ELAPOR2: variants seen among roughly 807,000 people sequenced by gnomAD.
ELAPOR2 encodes endosome-lysosome associated apoptosis and autophagy regulator family member 2.
ELAPOR2 carries 89 observed loss-of-function variants against 120.7 expected under a neutral mutation model. The observed-to-expected ratio is 0.74, with a 90% CI of 0.62 to 0.88. The LOEUF is 0.88. ELAPOR2 is among the 40% of genes least tolerant of loss of function. ELAPOR2 has a pLI of 0.00. For synonymous variants in ELAPOR2, 444 were observed against 444.9 expected (o/e 1.00, Z 0.03); for missense variants, 1,134 against 1,251.6 (o/e 0.91, Z 1.42).
chr7:87,030,927 G>T (rs558943334), intron 1 of ELAPOR2, among the ~76,000 whole-genome samples: 1 of 152,290 alleles, frequency 6.6e-6, no homozygotes, highest in South Asian at 2.1e-4. Flanking sequence ...CACAATCATG[G>T]TGGAAGATGA....
intron 2 of ELAPOR2, among the ~76,000 whole-genome samples, chr7:86,956,468 G>A (rs1361814568): frequency 1.3e-5 from 2 of 152,066 alleles, no homozygotes; most frequent in Non-Finnish European, 2.9e-5. Context: ...TCTTCACATA[G>A]CCCTATCAAG....
intron 4 of ELAPOR2, 108 bp from the exon 5 acceptor site, chr7:86,942,212 A>C: frequency 1.7e-6 from 1 of 587,474 alleles, no homozygotes; most frequent in East Asian, 3.0e-5. Context: ...CTTCTAAACA[A>C]TGGCCATGAG....
At position 86,916,955 on chromosome 7, in the gene ELAPOR2, ATT is replaced by A. The variant is rs58682563; in HGVS notation, c.1593+1485_1593+1486del. On this transcript the variant is annotated intron_variant, in intron 12 of 21. Coordinates refer to ENST00000450689, the MANE Select transcript of ELAPOR2 (RefSeq NM_001142749.3). ...AGGCATGCGCCATTGTGGCCAGCTA[ATT>A]TTTTTTTTTTTTTTTTTTTTTTTTT... 8.3e-3 allele frequency among the ~76,000 whole-genome samples: 722 copies of A among 86,572 alleles called. 1 individual carries two copies. Among genetic ancestry groups the A allele is most frequent in the African/African-American group, 0.031 (536 of 17,560 alleles). 56.8% of individuals were successfully genotyped at this position (86,572 alleles called of 152,430 possible).
chr7:86,944,802 A>T, intron 4 of ELAPOR2, 97 bp downstream of exon 4: 1 of 1,015,524 alleles, frequency 9.8e-7, no homozygotes, highest in East Asian at 2.8e-5. Context: ...ACAAAAAAAA[A>T]ACTGAGGAGG....
At chr7:86,995,687 G>C (rs1210699788) in intron 1 of ELAPOR2, among the ~76,000 whole-genome samples, 2 of 152,180 alleles carry the variant, frequency 1.3e-5, no homozygotes, top group Non-Finnish European at 2.9e-5. Flanking sequence ...GACAAGAAGA[G>C]TGGAAGGTAA....
chr7:86,921,500 G>GGGAT, intron 10 of ELAPOR2, among the ~76,000 whole-genome samples: 1 of 152,030 alleles, frequency 6.6e-6, no homozygotes, highest in African/African-American at 2.4e-5. Flanking sequence ...AAGGCAAGAA[G>GGGAT]GGATATTCCC....
At chr7:86,983,089 G>A (rs1227461465) in intron 1 of ELAPOR2, among the ~76,000 whole-genome samples, 2 of 152,206 alleles carry the variant, frequency 1.3e-5, no homozygotes, top group African/African-American at 2.4e-5. Context: ...GGGTATCAGT[G>A]ATTGCAGATT....
At chr7:87,006,497 C>A (rs1281011918) in intron 1 of ELAPOR2, among the ~76,000 whole-genome samples, 2 of 152,008 alleles carry the variant, frequency 1.3e-5, no homozygotes, top group African/African-American at 4.8e-5. Flanking sequence ...ACATTCTGCA[C>A]ATGGACCCCA....
chr7:87,042,879 CA>C (rs1794829565), intron 1 of ELAPOR2, among the ~76,000 whole-genome samples: 1 of 151,632 alleles, frequency 6.6e-6, no homozygotes, highest in African/African-American at 2.4e-5. Flanking sequence ...CTAATAAAGA[CA>C]AAAAGAGAGA....
intron 1 of ELAPOR2, among the ~76,000 whole-genome samples, chr7:87,058,121 A>T (rs1390497840): frequency 6.6e-6 from 1 of 152,206 alleles, no homozygotes; most frequent in Non-Finnish European, 1.5e-5. Context: ...CAAGCCTTTG[A>T]TCCGATTCTC....
intron 1 of ELAPOR2, among the ~76,000 whole-genome samples, chr7:86,972,603 GTT>G (rs1057156852): frequency 1.4e-5 from 2 of 140,052 alleles, no homozygotes; most frequent in South Asian, 2.3e-4. Flanking sequence ...AAAGTTTTTT[GTT>G]TTTTTTTTTT....
At chr7:86,904,021 G>C (rs1788848805) in intron 18 of ELAPOR2, among the ~76,000 whole-genome samples, 1 of 152,124 alleles carries the variant, frequency 6.6e-6, no homozygotes, top group African/African-American at 2.4e-5. Context: ...AAAATGGCAA[G>C]ATGAGAGCAT....
intron 3 of ELAPOR2, 55 bp from the exon 4 acceptor site, chr7:86,945,101 T>C: frequency 6.8e-7 from 1 of 1,465,812 alleles, no homozygotes; most frequent in Non-Finnish European, 9.2e-7. Context: ...ACCTCTTCTA[T>C]TCACAAAACT....
At chr7:86,898,495 A>T (rs1440137001) in intron 18 of ELAPOR2, among the ~76,000 whole-genome samples, 1 of 141,788 alleles carries the variant, frequency 7.1e-6, no homozygotes, top group African/African-American at 2.6e-5. Context: ...GCTGAATTGT[A>T]TGGTAGGAGA....
rs1404935047 is a variant in ELAPOR2 at position 86,958,833 on chromosome 7, C to T, written c.310+6071G>A. ...TGGCTATTCAGAATCTTTTGTGGTT[C>T]CATATGAGTTTAGGATTTTTTTTCC... is the stretch of plus-strand genomic sequence containing the variant. On this transcript the variant is annotated intron_variant, in intron 2 of 21. Coordinates refer to ENST00000450689, the MANE Select transcript of ELAPOR2 (RefSeq NM_001142749.3). Among the ~76,000 whole-genome samples, 6 of 152,190 alleles carry T rather than the reference C, an allele frequency of 3.9e-5. No homozygotes were observed. In the East Asian group the frequency reaches 1.2e-3, roughly 29 times the overall value.
intron 1 of ELAPOR2, among the ~76,000 whole-genome samples, chr7:86,981,457 C>G (rs1205231116): frequency 1.3e-5 from 2 of 152,182 alleles, no homozygotes; most frequent in Non-Finnish European, 2.9e-5. Context: ...TATTCTAGAT[C>G]ATTTATGATC....
Position 86,925,402 on chromosome 7 carries a change from C to A in ELAPOR2, c.1399+126G>T, listed in dbSNP as rs995430368. The A allele has an allele frequency of 5.5e-6, 5 of 904,382 alleles. No homozygotes were observed. In the African/African-American group the frequency reaches 6.7e-5, roughly 12 times the overall value. The allele number at this position is 904,382 out of a possible 1,614,324, so 56.0% of individuals were successfully genotyped here. A position where few individuals can be genotyped will look rare whatever the true frequency, so the allele number is the denominator to read the frequency against. On this transcript the variant is annotated intron_variant, in intron 10 of 21. Coordinates refer to ENST00000450689, the MANE Select transcript of ELAPOR2 (RefSeq NM_001142749.3). ...TTTTATGGTACAACCAGAAGATGGG[C>A]AAGCAGCCAAATGATAAGATTGAAG... is the stretch of plus-strand genomic sequence containing the variant.
intron 18 of ELAPOR2, among the ~76,000 whole-genome samples, chr7:86,907,126 A>C (rs1384605717): frequency 7.9e-5 from 12 of 152,154 alleles, no homozygotes; most frequent in Admixed American, 7.9e-4. Context: ...GTGTTAAATG[A>C]AGCACATTAT....
Position 87,012,208 on chromosome 7 carries a change from G to A in ELAPOR2, c.189+47117C>T, listed in dbSNP as rs1347921364. Among the ~76,000 whole-genome samples the A allele has an allele frequency of 3.3e-5, 5 of 152,262 alleles. No individual in the cohort carries two copies. The East Asian group carries it at 7.7e-4, about 24-fold the overall frequency. ...GGGCAGATCACAAGGTCAGGAGATT[G>A]AGACCATCCTGGCCAACATGGTGAA... On this transcript the variant is annotated intron_variant, in intron 1 of 21. Coordinates refer to ENST00000450689, the MANE Select transcript of ELAPOR2 (RefSeq NM_001142749.3).
Sources: allele counts gnomAD v4.1 joint callset (sites outside exome capture counted in the v4.1 genomes callset), GRCh38; gene constraint gnomAD v4.1.1; transcripts MANE v1.5; gene names NCBI Gene and HGNC (gene_info 2026-07-23, HGNC 2026-07-21).